The following FBXO9 variants were observed in gnomAD, a reference collection of about 807,000 sequenced individuals.
FBXO9 encodes F-box only protein 9.
Under a neutral mutation model 63.7 loss-of-function variants are expected in FBXO9, and 43 were observed. The ratio of observed to expected loss-of-function variants is 0.67; its 90% CI spans 0.53 to 0.87. The LOEUF (loss-of-function observed/expected upper bound fraction) is 0.87, where lower values mean the gene tolerates loss of function less well. FBXO9 is among the 40% of genes least tolerant of loss of function. The pLI, the probability that FBXO9 is intolerant of heterozygous loss-of-function variation, is 0.00. For synonymous variants in FBXO9, 156 were observed against 171.7 expected, an observed-to-expected ratio of 0.91 and a Z score of 0.72; for missense variants, 442 against 533.2, an observed-to-expected ratio of 0.83 and a Z score of 1.68.
Position 53,095,683 on chromosome 6 carries a change from A to G in FBXO9, c.1205+19A>G, listed in dbSNP as rs2127500368. The G allele has an allele frequency of 6.3e-7, 1 of 1,594,344 alleles. No individual in the cohort carries two copies. Among genetic ancestry groups the G allele is most frequent in the East Asian group, 2.2e-5 (1 of 44,544 alleles). On this transcript the variant is annotated intron_variant, in intron 12 of 12. Coordinates refer to ENST00000323557, the MANE Select transcript of FBXO9 (RefSeq NM_033480.3). ...CTTACAAGTAGGTGAATGCAATAAA[A>G]ATAACAAGGTTACACTATAAATGTA...
intron 9 of FBXO9, 141 bp from the exon 10 acceptor site, chr6:53,093,325 T>C (rs1164910430): frequency 1.9e-6 from 1 of 532,970 alleles, no homozygotes; most frequent in Non-Finnish European, 3.3e-6. Flanking sequence ...ATATTTGTTT[T>C]AATGTTTTAG....
rs543765910 is a variant in FBXO9, at chr6:53,096,994, C to T, written c.1206-728C>T. On this transcript the variant is annotated intron_variant, in intron 12 of 12. Coordinates refer to ENST00000323557, the MANE Select transcript of FBXO9 (RefSeq NM_033480.3). Reference sequence around the variant, plus strand: ...GTTTATACTTGACCCATTAGAAAAACATTGTTTATTTAGGAGAAAAAAGGA... The same window carrying T: ...GTTTATACTTGACCCATTAGAAAAATATTGTTTATTTAGGAGAAAAAAGGA... Among the ~76,000 whole-genome samples, 512 of 152,230 alleles carry T rather than the reference C, an allele frequency of 3.4e-3. 1 individual carries two copies. Among genetic ancestry groups the T allele is most frequent in the African/African-American group, 0.012 (493 of 41,538 alleles).
In FBXO9 at chr6:53,065,752, C is replaced by T. The variant is rs899078975; in HGVS notation, c.-38C>T. On this transcript the variant is annotated 5_prime_UTR_variant, in exon 1 of 13. It adds an upstream start codon to the 5' untranslated region. Coordinates refer to ENST00000323557, the MANE Select transcript of FBXO9 (RefSeq NM_033480.3). ...TCCGGGGGGCGGTGCAGAGGGGGCA[C>T]GGAGAGCCCCTCGAGCGCAGCAGGC... The T allele has an allele frequency of 7.1e-6, 10 of 1,415,598 alleles. No homozygotes were observed. In the African/African-American group the frequency reaches 1.0e-4, roughly 15 times the overall value. The allele number at this position is 1,415,598 out of a possible 1,614,324, so 87.7% of individuals were successfully genotyped here.
chr6:53,083,483 A>G (rs970604678), intron 7 of FBXO9, among the ~76,000 whole-genome samples: 1 of 152,242 alleles, frequency 6.6e-6, no homozygotes, highest in Non-Finnish European at 1.5e-5. Context: ...ATAGTAAACT[A>G]TTCAGGGAAA....
rs550381349 is a variant in FBXO9 at position 53,087,162 on chromosome 6, C to T, written c.653+4544C>T. Among the ~76,000 whole-genome samples the T allele has an allele frequency of 4.0e-5, 6 of 151,884 alleles. No individual in the cohort carries two copies. In the East Asian group the frequency reaches 9.7e-4, roughly 25 times the overall value. ...TTCGAGACCAGCCTGAGCAACATGA[C>T]GAAACCCCGTCTCTATGATAAAATA... On this transcript the variant is annotated intron_variant, in intron 7 of 12. Transcript: ENST00000323557.
At chr6:53,084,831 T>C (rs1236827731) in intron 7 of FBXO9, among the ~76,000 whole-genome samples, 5 of 152,112 alleles carry the variant, frequency 3.3e-5, no homozygotes, top group African/African-American at 4.8e-5. Flanking sequence ...GAATTTCAGA[T>C]TTAAAAATCT....
intron 2 of FBXO9, among the ~76,000 whole-genome samples, chr6:53,071,420 G>A (rs1275797030): frequency 6.6e-6 from 1 of 152,124 alleles, no homozygotes; most frequent in African/African-American, 2.4e-5. Flanking sequence ...TGATGGGTTT[G>A]ACCACCTAAA....
At position 53,080,958 on chromosome 6, in the gene FBXO9, C is replaced by T. The variant is rs1293349842; in HGVS notation, c.408-10C>T. 4 of 1,613,062 alleles carry T rather than the reference C, an allele frequency of 2.5e-6. No homozygotes were observed. The highest frequency in any genetic ancestry group is 1.1e-5 in the South Asian group (1 of 91,006). ...TGAGGCACTTAATTTATTCACCTCC[C>T]TTTTTTCAGCATTGAAGATAATGAT... is the stretch of plus-strand genomic sequence containing the variant. On this transcript the variant is annotated splice_polypyrimidine_tract_variant and intron_variant, in intron 5 of 12. Transcript: ENST00000323557.
chr6:53,074,101 A>G (rs1187913724), intron 3 of FBXO9, among the ~76,000 whole-genome samples: 1 of 152,190 alleles, frequency 6.6e-6, no homozygotes, highest in Non-Finnish European at 1.5e-5. Flanking sequence ...TGCATTAATC[A>G]TTTCCTTATT....
chr6:53,092,715 T>A lies in FBXO9; in HGVS notation c.773-19T>A. 1.3e-6 allele frequency: 2 copies of A among 1,571,504 alleles called. No individual in the cohort carries two copies. Among genetic ancestry groups the A allele is most frequent in the Non-Finnish European group, 1.7e-6 (2 of 1,153,072 alleles). ...ATCTGAATATTATAATTTTTAACTT[T>A]TTAAAATTATTTTCATAGGCGTGTA... On this transcript the variant is annotated intron_variant, in intron 8 of 12. Coordinates refer to ENST00000323557, the MANE Select transcript of FBXO9 (RefSeq NM_033480.3).
chr6:53,087,296 C>T (rs182440240), intron 7 of FBXO9, among the ~76,000 whole-genome samples: 22 of 138,526 alleles, frequency 1.6e-4, no homozygotes, highest in Admixed American at 6.9e-4. Context: ...AAACCGTGAT[C>T]ATGCCACTGC....
intron 6 of FBXO9, among the ~76,000 whole-genome samples, chr6:53,081,977 G>A (rs371472318): frequency 3.5e-4 from 54 of 152,190 alleles, no homozygotes; most frequent in African/African-American, 1.2e-3. Context: ...GCTGAGGCAC[G>A]AGAATTACTT....
chr6:53,090,995 G>C (rs867982528), intron 7 of FBXO9: 2 of 152,178 alleles, frequency 1.3e-5, no homozygotes, highest in Non-Finnish European at 2.9e-5. Flanking sequence ...TGTAGTCCTA[G>C]CTGTTCAAAA....
chr6:53,093,676 C>A, intron 10 of FBXO9, 115 bp downstream of exon 10: 1 of 914,388 alleles, frequency 1.1e-6, no homozygotes, highest in Non-Finnish European at 1.6e-6. Flanking sequence ...TAAAAGCAAT[C>A]ATTCAGGGTC....
Position 53,071,663 on chromosome 6 carries a change from TTGG to T in FBXO9, c.90+523_90+525del, listed in dbSNP as rs564071464. On this transcript the variant is annotated intron_variant, in intron 2 of 12. Coordinates refer to ENST00000323557, the MANE Select transcript of FBXO9 (RefSeq NM_033480.3). ...TAGCCTCATTAATAATTTAATCAGA[TTGG>T]TGAATAATGTGCATCGCTGTCCAAG... 1.9e-4 allele frequency among the ~76,000 whole-genome samples: 29 copies of T among 152,270 alleles called. No individual in the cohort carries two copies. The East Asian group carries it at 5.6e-3, about 29-fold the overall frequency.
intron 5 of FBXO9, 144 bp from the exon 6 acceptor site, chr6:53,080,824 C>T: frequency 1.3e-6 from 1 of 791,192 alleles, no homozygotes; most frequent in Non-Finnish European, 2.0e-6. Context: ...AGGATAAATT[C>T]ATCACATTTA....
intron 1 of FBXO9, 145 bp downstream of exon 1, chr6:53,065,937 T>C: frequency 8.6e-7 from 1 of 1,159,546 alleles, no homozygotes. Flanking sequence ...GGCCCTGGCC[T>C]GAGAAGGAGT....
chr6:53,077,478 A>G, intron 4 of FBXO9, among the ~76,000 whole-genome samples: 1 of 144,760 alleles, frequency 6.9e-6, no homozygotes, highest in East Asian at 2.2e-4. Context: ...GTCTCAAAAA[A>G]AAAAAAAAAA....
At chr6:53,067,740 G>T (rs1027516372) in intron 1 of FBXO9, among the ~76,000 whole-genome samples, 2 of 152,080 alleles carry the variant, frequency 1.3e-5, no homozygotes, top group Non-Finnish European at 2.9e-5. Context: ...GGATTTATAC[G>T]CTCAGTCTTT....
Sources: allele counts gnomAD v4.1 joint callset (sites outside exome capture counted in the v4.1 genomes callset), GRCh38; gene constraint gnomAD v4.1.1; transcripts MANE v1.5; gene names NCBI Gene and HGNC (gene_info 2026-07-23, HGNC 2026-07-21).